LDB2: variants seen among roughly 807,000 people sequenced by gnomAD.
LDB2 encodes LIM domain binding 2.
In LDB2, 12 loss-of-function variants were observed where a neutral mutation model predicts 44.3. The ratio of observed to expected loss-of-function variants is 0.27; its 90% CI spans 0.17 to 0.44. The LOEUF (loss-of-function observed/expected upper bound fraction) is 0.44, where lower values mean the gene tolerates loss of function less well. Ranked by LOEUF, LDB2 falls within the 20% of genes least tolerant of loss-of-function variation. The pLI is 1.00. For synonymous variants in LDB2, 164 were observed against 174.8 expected, an observed-to-expected ratio of 0.94 and a Z score of 0.49; for missense variants, 344 against 473.5, an observed-to-expected ratio of 0.73 and a Z score of 2.54.
chr4:16,553,287 G>C (rs558305029), intron 5 of LDB2, among the ~76,000 whole-genome samples: 1 of 152,146 alleles, frequency 6.6e-6, no homozygotes, highest in Admixed American at 6.5e-5. Flanking sequence ...TTAGTAGCTG[G>C]AACTACAGGT....
intron 5 of LDB2, among the ~76,000 whole-genome samples, chr4:16,536,589 A>C (rs892067499): frequency 6.6e-6 from 1 of 152,202 alleles, no homozygotes; most frequent in Non-Finnish European, 1.5e-5. Flanking sequence ...GTTAACTCAA[A>C]TTGTACTATG....
chr4:16,687,678 A>G (rs1440082792), intron 2 of LDB2, among the ~76,000 whole-genome samples: 1 of 152,142 alleles, frequency 6.6e-6, no homozygotes, highest in African/African-American at 2.4e-5. Context: ...TACTCATCCA[A>G]TGTAAGGAAC....
intron 5 of LDB2, among the ~76,000 whole-genome samples, chr4:16,583,754 A>T (rs913488978): frequency 2.0e-5 from 3 of 152,102 alleles, no homozygotes; most frequent in Non-Finnish European, 4.4e-5. Context: ...CGTCAGCCCG[A>T]AGGATTTGTG....
At chr4:16,612,090 T>C (rs1168320029) in intron 2 of LDB2, among the ~76,000 whole-genome samples, 5 of 152,146 alleles carry the variant, frequency 3.3e-5, no homozygotes, top group African/African-American at 1.2e-4. Context: ...TCATGGAAAT[T>C]GAACAACCTG....
chr4:16,739,868 G>A (rs532967283), intron 2 of LDB2, among the ~76,000 whole-genome samples: 46 of 149,772 alleles, frequency 3.1e-4, no homozygotes, highest in Middle Eastern at 3.5e-3. Context: ...TGGATTATAT[G>A]AGGGTTTTTT....
At chr4:16,823,146 A>T (rs1269973919) in intron 1 of LDB2, among the ~76,000 whole-genome samples, 1 of 152,232 alleles carries the variant, frequency 6.6e-6, no homozygotes, top group Non-Finnish European at 1.5e-5. Context: ...TAAGAATCAC[A>T]TCAGTACTGT....
intron 1 of LDB2, among the ~76,000 whole-genome samples, chr4:16,815,168 A>G (rs1321134967): frequency 6.6e-6 from 1 of 152,240 alleles, no homozygotes; most frequent in Admixed American, 6.5e-5. Flanking sequence ...CAGGTTTGCC[A>G]TTGGGAAGAC....
chr4:16,857,985 G>A (rs2110234976), intron 1 of LDB2, among the ~76,000 whole-genome samples: 1 of 150,982 alleles, frequency 6.6e-6, no homozygotes, highest in East Asian at 2.0e-4. Context: ...GACTGAATGA[G>A]CCTCAGTTTC....
rs148997324 is a variant in LDB2, at chr4:16,519,597, G to A, written c.616-7493C>T. Among the ~76,000 whole-genome samples, 803 of 149,648 alleles carry A rather than the reference G, an allele frequency of 5.4e-3. 7 individuals carry two copies. The highest frequency in any genetic ancestry group is 0.018 in the African/African-American group (737 of 40,796). On this transcript the variant is annotated intron_variant, in intron 5 of 7. Transcript: ENST00000304523. ...CAAACTTGGGGGTTTGAACCCAGATGAATCTGGTTCCAAAACCTACACAGA... is the reference window on the plus strand; with the variant it reads ...CAAACTTGGGGGTTTGAACCCAGATAAATCTGGTTCCAAAACCTACACAGA...
At chr4:16,729,720 C>T (rs1760335426) in intron 2 of LDB2, among the ~76,000 whole-genome samples, 1 of 152,124 alleles carries the variant, frequency 6.6e-6, no homozygotes, top group African/African-American at 2.4e-5. Context: ...CATGAGCAAG[C>T]TGATGTATTT....
At chr4:16,773,742 CT>C (rs1478175670) in intron 1 of LDB2, among the ~76,000 whole-genome samples, 4 of 151,996 alleles carry the variant, frequency 2.6e-5, no homozygotes, top group Non-Finnish European at 5.9e-5. Flanking sequence ...ATATTCCTTT[CT>C]TTTTTTAGAG....
chr4:16,827,313 G>C (rs1258763983), intron 1 of LDB2, among the ~76,000 whole-genome samples: 1 of 152,166 alleles, frequency 6.6e-6, no homozygotes, highest in East Asian at 1.9e-4. Flanking sequence ...TACAGGTTGA[G>C]ATTTTAAAAA....
rs757800819 is a variant in LDB2 at position 16,508,519 on chromosome 4, G to C, written c.891+16C>G. On this transcript the variant is annotated intron_variant, in intron 7 of 7. Transcript: ENST00000304523. ...GACAGTTAGGATTTCGGGCCTAAGAGGAAAGCGAGACTTACAGGTACCTGA... is the reference window on the plus strand; with the variant it reads ...GACAGTTAGGATTTCGGGCCTAAGACGAAAGCGAGACTTACAGGTACCTGA... 6.5e-7 allele frequency: 1 copy of C among 1,543,634 alleles called. No homozygotes were observed. Among genetic ancestry groups the C allele is most frequent in the Non-Finnish European group, 8.8e-7 (1 of 1,139,732 alleles).
intron 1 of LDB2, among the ~76,000 whole-genome samples, chr4:16,856,729 C>T (rs1417985098): frequency 6.6e-6 from 1 of 152,278 alleles, no homozygotes; most frequent in East Asian, 1.9e-4. Flanking sequence ...GGGCACCGTT[C>T]TAATCATTAC....
At chr4:16,736,943 C>A (rs1486240631) in intron 2 of LDB2, among the ~76,000 whole-genome samples, 2 of 151,868 alleles carry the variant, frequency 1.3e-5, no homozygotes, top group African/African-American at 4.8e-5. Context: ...ATCAAAATAA[C>A]AAAAAAACTA....
At chr4:16,741,204 G>T (rs1763170339) in intron 2 of LDB2, among the ~76,000 whole-genome samples, 2 of 152,182 alleles carry the variant, frequency 1.3e-5, no homozygotes, top group African/African-American at 4.8e-5. Flanking sequence ...TGTTTTGAAA[G>T]ATCTTCCTTT....
chr4:16,709,191 T>G (rs942772827), intron 2 of LDB2, among the ~76,000 whole-genome samples: 1 of 152,166 alleles, frequency 6.6e-6, no homozygotes, highest in Non-Finnish European at 1.5e-5. Context: ...AAAAATGTAT[T>G]TAATTAATGA....
At chr4:16,786,355 G>A (rs1345782208) in intron 1 of LDB2, among the ~76,000 whole-genome samples, 2 of 152,118 alleles carry the variant, frequency 1.3e-5, no homozygotes, top group African/African-American at 4.8e-5. Flanking sequence ...TTTGTTTATT[G>A]TCTGTCTCAT....
intron 1 of LDB2, among the ~76,000 whole-genome samples, chr4:16,800,837 G>A (rs980277634): frequency 2.0e-5 from 3 of 152,078 alleles, no homozygotes; most frequent in Admixed American, 1.3e-4. Context: ...ACCAACGCCC[G>A]GCTAACTTTT....
Sources: gnomAD v4.1 joint callset for allele counts (sites outside exome capture counted in the v4.1 genomes callset) on GRCh38, gnomAD v4.1.1 for gene constraint, MANE v1.5 for transcripts, NCBI Gene and HGNC (gene_info 2026-07-23, HGNC 2026-07-21) for gene names.